ERLIN2: variants seen among roughly 807,000 people sequenced by gnomAD.
ERLIN2 encodes the protein erlin-2.
ERLIN2 carries 22 observed loss-of-function variants against 41.5 expected under a neutral mutation model. The ratio of observed to expected loss-of-function variants is 0.53; its 90% confidence interval spans 0.38 to 0.76. The LOEUF (loss-of-function observed/expected upper bound fraction) is 0.76. ERLIN2 is among the 30% of genes least tolerant of loss of function. The pLI is 0.00. For synonymous variants in ERLIN2, 149 were observed against 150.9 expected, an observed-to-expected ratio of 0.99 and a Z score of 0.09; for missense variants, 247 against 414.3, an observed-to-expected ratio of 0.60 and a Z score of 3.51.
chr8:37,744,250 T>C (rs1384346372), intron 4 of ERLIN2, 105 bp from the exon 5 acceptor site: 1 of 995,560 alleles, frequency 1.0e-6, no homozygotes, highest in African/African-American at 1.6e-5. Context: ...CGTGAACTCT[T>C]CTACTCCTTT....
At chr8:37,737,062 C>T in intron 1 of ERLIN2, 1 of 850,750 alleles carries the variant, frequency 1.2e-6, no homozygotes, top group Non-Finnish European at 1.4e-6. Flanking sequence ...ACCTGGGAGG[C>T]AGAATCCACG....
At chr8:37,744,276 A>G in intron 4 of ERLIN2, 79 bp from the exon 5 acceptor site, 1 of 1,224,920 alleles carries the variant, frequency 8.2e-7, no homozygotes, top group Non-Finnish European at 1.2e-6. Flanking sequence ...CAAGCCCCAC[A>G]TCTTACGCCA....
intron 6 of ERLIN2, chr8:37,747,951 C>T (rs985571013): frequency 6.2e-7 from 1 of 1,614,102 alleles, no homozygotes; most frequent in African/African-American, 1.3e-5. Flanking sequence ...CGTCATATTC[C>T]TCCCGGTCCC....
intron 6 of ERLIN2, chr8:37,746,242 CTT>C: frequency 1.0e-6 from 1 of 985,676 alleles, no homozygotes; most frequent in Non-Finnish European, 1.2e-6. Flanking sequence ...TCTCAGGACT[CTT>C]ATAGCCCAGA....
intron 9 of ERLIN2, 28 bp downstream of exon 9, chr8:37,750,514 T>C: frequency 6.3e-7 from 1 of 1,583,770 alleles, no homozygotes; most frequent in Non-Finnish European, 8.7e-7. Flanking sequence ...TGATCCCCCT[T>C]TCCAGGCAGA....
rs1341772664 is a variant in ERLIN2 at position 37,741,596 on chromosome 8, CCTTTA to C, written c.190-172_190-168del. ...ACTTATAGTGAGGCTGGGGCACGGG[CCTTTA>C]CTTGGCTTAGCAACCCTGTGAGGAA... On this transcript the variant is annotated intron_variant, in intron 3 of 11. Coordinates refer to ENST00000519638, the MANE Select transcript of ERLIN2 (RefSeq NM_007175.8). The surrounding 1 kb of genome is among the most constrained non-coding windows in gnomAD (Gnocchi z 4.8). Among the ~76,000 whole-genome samples the C allele has an allele frequency of 6.6e-6, 1 of 152,146 alleles. No homozygotes were observed. The highest frequency in any genetic ancestry group is 1.5e-5 in the Non-Finnish European group (1 of 68,026).
At chr8:37,737,871 G>A (rs530067147) in intron 1 of ERLIN2, 37 bp from the exon 2 acceptor site, 2 of 1,612,854 alleles carry the variant, frequency 1.2e-6, no homozygotes, top group Admixed American at 1.7e-5. Flanking sequence ...TCTCCTGCAC[G>A]TTGGACCACA....
rs1803338250 is a variant in ERLIN2 at position 37,755,570 on chromosome 8, C to CCCCCCACCCCCCA, written c.*1460_*1461insACCCCCCACCCCC. On this transcript the variant is annotated 3_prime_UTR_variant, in exon 12 of 12. Transcript: ENST00000519638. Reference sequence around the variant, plus strand: ...GCTGACCCCCACCCCCCACCCCCCACCCCCCCCCCCCGCCAACTCCTATAC... The same window carrying CCCCCCACCCCCCA: ...GCTGACCCCCACCCCCCACCCCCCACCCCCCACCCCCCACCCCCCCCCCCGCCAACTCCTATAC... The CCCCCCACCCCCCA allele has an allele frequency of 6.5e-4, 4 of 6,152 alleles. No homozygotes were observed. Among genetic ancestry groups the CCCCCCACCCCCCA allele is most frequent in the African/African-American group, 2.7e-3 (2 of 734 alleles). The allele number at this position is 6,152 out of a possible 1,614,324, so 0.4% of individuals were successfully genotyped here.
At chr8:37,744,274 A>T in intron 4 of ERLIN2, 81 bp from the exon 5 acceptor site, 2 of 1,209,422 alleles carry the variant, frequency 1.7e-6, no homozygotes, top group Non-Finnish European at 2.5e-6. Flanking sequence ...GCCAAGCCCC[A>T]CATCTTACGC....
chr8:37,750,576 C>T, intron 9 of ERLIN2, 90 bp downstream of exon 9: 2 of 1,060,956 alleles, frequency 1.9e-6, no homozygotes, highest in Non-Finnish European at 2.9e-6. Flanking sequence ...GGTGAGACCC[C>T]ATGGTCCTCC....
At chr8:37,739,838 C>T (rs1802789445) in intron 2 of ERLIN2, among the ~76,000 whole-genome samples, 1 of 151,592 alleles carries the variant, frequency 6.6e-6, no homozygotes, top group Non-Finnish European at 1.5e-5. Context: ...CAGAGTCTCA[C>T]TTTGTTGCCC....
At chr8:37,753,787 G>A (rs1028098562) in intron 11 of ERLIN2, 128 bp from the exon 12 acceptor site, 1 of 863,912 alleles carries the variant, frequency 1.2e-6, no homozygotes, top group Non-Finnish European at 1.9e-6. Flanking sequence ...GTCTCTTACA[G>A]AAATGTAACA....
Position 37,749,258 on chromosome 8 carries a change from T to A in ERLIN2, c.425-301T>A, listed in dbSNP as rs79563981. On this transcript the variant is annotated intron_variant, in intron 6 of 11. Coordinates refer to ENST00000519638, the MANE Select transcript of ERLIN2 (RefSeq NM_007175.8). ...TGTGCTAGAATTGTTTGTTCTTCCTTTTTTTTCTTTTTAAGCTCTCACCCC... is the reference window on the plus strand; with the variant it reads ...TGTGCTAGAATTGTTTGTTCTTCCTATTTTTTCTTTTTAAGCTCTCACCCC... Among the ~76,000 whole-genome samples, 459 of 152,298 alleles carry A rather than the reference T, an allele frequency of 3.0e-3. 3 individuals carry two copies. The highest frequency in any genetic ancestry group is 0.011 in the African/African-American group (445 of 41,556).
chr8:37,745,533 A>G, intron 6 of ERLIN2: 1 of 1,610,540 alleles, frequency 6.2e-7, no homozygotes, highest in Non-Finnish European at 8.5e-7. Flanking sequence ...AAGTAAATGA[A>G]TTTTTAACCA....
In ERLIN2 at chr8:37,738,014, T is replaced by C; in HGVS notation, c.92T>C (p.Ile31Thr). Residue 31 changes from isoleucine to threonine, a missense_variant, in exon 2 of 12, where the codon ATT becomes ACT. Ile to Thr is a moderately conservative substitution (Grantham distance 89). Coordinates refer to ENST00000519638, the MANE Select transcript of ERLIN2 (RefSeq NM_007175.8). ...SAVHKIEEGHIGVYYRGGALL... is the reference protein window; with the variant it reads ...SAVHKIEEGHTGVYYRGGALL... ...GTGCACAAGATAGAAGAGGGACATA[T>C]TGGGGTATATTACAGGTAAGGCAGA... 2 of 1,614,130 alleles carry C rather than the reference T, an allele frequency of 1.2e-6. No individual in the cohort carries two copies. The highest frequency in any genetic ancestry group is 1.7e-6 in the Non-Finnish European group (2 of 1,179,984).
intron 9 of ERLIN2, 113 bp from the exon 10 acceptor site, chr8:37,751,513 C>G (rs1585916624): frequency 1.2e-6 from 1 of 833,918 alleles, no homozygotes; most frequent in East Asian, 2.6e-5. Context: ...CACAGCTGCC[C>G]TCTGGGGGCT....
chr8:37,744,476 G>C, intron 5 of ERLIN2, 60 bp downstream of exon 5: 1 of 1,606,902 alleles, frequency 6.2e-7, no homozygotes, highest in African/African-American at 1.3e-5. Flanking sequence ...CCACTCCCGT[G>C]TCTGTTGTAG....
intron 1 of ERLIN2, chr8:37,737,095 A>G (rs1802673151): frequency 1.8e-6 from 1 of 549,544 alleles, no homozygotes; most frequent in African/African-American, 2.0e-5. Context: ...GGGCCCACGC[A>G]CGCACAGCTG....
rs953174166 is a variant in ERLIN2, at chr8:37,751,623, C to T, written c.650-3C>T. 2.5e-6 allele frequency: 4 copies of T among 1,610,320 alleles called. No individual in the cohort carries two copies. In the African/African-American group the frequency reaches 4.0e-5, roughly 16 times the overall value. On this transcript the variant is annotated splice_polypyrimidine_tract_variant and splice_region_variant and intron_variant, in intron 9 of 11. Coordinates refer to ENST00000519638, the MANE Select transcript of ERLIN2 (RefSeq NM_007175.8). ...ACCGTAATCCTCACTATCATTTATT[C>T]AGAGGCAGAAAAAGTGGCCCAGGTG...
Sources: gnomAD v4.1 joint callset for allele counts (sites outside exome capture counted in the v4.1 genomes callset) on GRCh38, gnomAD v4.1.1 for gene constraint, Gnocchi (gnomAD v3.1) non-coding constraint, MANE v1.5 for transcripts, NCBI Gene and HGNC (gene_info 2026-07-23, HGNC 2026-07-21) for gene names.